The following XKR4 variants were observed in gnomAD, a reference collection of about 807,000 sequenced individuals.
XKR4 encodes XK-related protein 4.
A neutral mutation model predicts 53.9 loss-of-function variants in XKR4; 12 were observed. The observed-to-expected ratio is 0.22, with a 90% confidence interval of 0.14 to 0.36. The LOEUF is 0.36. XKR4 is among the 10% of genes least tolerant of loss of function. The probability of loss-of-function intolerance (pLI) is 1.00; values close to 1 mark genes in which losing one functional copy is unlikely to be tolerated. For synonymous variants in XKR4, 354 were observed against 362.4 expected, an observed-to-expected ratio of 0.98 and a Z score of 0.26; for missense variants, 799 against 859.5, an observed-to-expected ratio of 0.93 and a Z score of 0.88.
At chr8:55,321,426 T>C (rs1803210330) in intron 1 of XKR4, among the ~76,000 whole-genome samples, 1 of 152,150 alleles carries the variant, frequency 6.6e-6, no homozygotes, top group Non-Finnish European at 1.5e-5. Context: ...ACCCCTCCCA[T>C]GAACTACTTC....
intron 1 of XKR4, among the ~76,000 whole-genome samples, chr8:55,328,032 C>A (rs1447184206): frequency 2.0e-5 from 3 of 151,946 alleles, no homozygotes; most frequent in Non-Finnish European, 4.4e-5. Context: ...GAAAAAATAC[C>A]CGAGACTGCA....
intron 2 of XKR4, among the ~76,000 whole-genome samples, chr8:55,504,895 G>T (rs143540675): frequency 3.0e-4 from 45 of 151,950 alleles, no homozygotes; most frequent in Non-Finnish European, 6.3e-4. Context: ...TGTAAAATTC[G>T]TAGTGATGTC....
chr8:55,220,105 A>T (rs1372624009), intron 1 of XKR4, among the ~76,000 whole-genome samples: 1 of 152,216 alleles, frequency 6.6e-6, no homozygotes, highest in African/African-American at 2.4e-5. Flanking sequence ...GTGAGGTGAT[A>T]GATATGTCAA....
At chr8:55,393,003 AT>A (rs930740095) in intron 2 of XKR4, among the ~76,000 whole-genome samples, 1 of 152,148 alleles carries the variant, frequency 6.6e-6, no homozygotes, top group African/African-American at 2.4e-5. Flanking sequence ...GGAAGTTCTT[AT>A]TAAAAAAAAA....
At chr8:55,449,949 G>A in intron 2 of XKR4, 1 of 870,048 alleles carries the variant, frequency 1.1e-6, no homozygotes. Flanking sequence ...CCAGGCTGAG[G>A]CTCAAGGTGG....
chr8:55,498,132 G>T (rs187739390), intron 2 of XKR4, among the ~76,000 whole-genome samples: 105 of 152,318 alleles, frequency 6.9e-4, no homozygotes, highest in Admixed American at 1.8e-3. Context: ...ATGTGTGTTT[G>T]CTAAGAAAAG....
At chr8:55,125,680 C>T (rs981508135) in intron 1 of XKR4, among the ~76,000 whole-genome samples, 8 of 152,100 alleles carry the variant, frequency 5.3e-5, no homozygotes, top group Non-Finnish European at 1.2e-4. Context: ...AGCCTATTTT[C>T]CCTAGCATCA....
At chr8:55,294,481 C>T (rs1238056146) in intron 1 of XKR4, among the ~76,000 whole-genome samples, 5 of 152,084 alleles carry the variant, frequency 3.3e-5, no homozygotes, top group Admixed American at 3.3e-4. Flanking sequence ...GGGATGTAGT[C>T]GAGGTGGGAG....
At chr8:55,370,771 G>A (rs901024986) in intron 2 of XKR4, among the ~76,000 whole-genome samples, 2 of 152,138 alleles carry the variant, frequency 1.3e-5, no homozygotes, top group African/African-American at 4.8e-5. Flanking sequence ...CCGTCGAGAT[G>A]CAAAAACAAG....
intron 2 of XKR4, among the ~76,000 whole-genome samples, chr8:55,440,368 A>T (rs79819695): frequency 2.0e-5 from 3 of 152,206 alleles, no homozygotes; most frequent in East Asian, 1.9e-4. Context: ...AAACAATTTT[A>T]AAAAGTCTAA....
intron 1 of XKR4, among the ~76,000 whole-genome samples, chr8:55,285,439 G>A (rs1160470979): frequency 6.6e-6 from 1 of 152,084 alleles, no homozygotes; most frequent in African/African-American, 2.4e-5. Context: ...AGACAGTATA[G>A]AGTGAATGAA....
At chr8:55,453,737 G>T in intron 2 of XKR4, 1 of 388,532 alleles carries the variant, frequency 2.6e-6, no homozygotes, top group South Asian at 2.1e-5. Flanking sequence ...CGCCAAGTCT[G>T]GGTACAGGTT....
At chr8:55,375,894 A>T (rs1804144780) in intron 2 of XKR4, among the ~76,000 whole-genome samples, 1 of 151,850 alleles carries the variant, frequency 6.6e-6, no homozygotes, top group African/African-American at 2.4e-5. Context: ...ACCCTCCCCT[A>T]ACAGGCCCCA....
intron 2 of XKR4, among the ~76,000 whole-genome samples, chr8:55,375,330 A>G (rs749131073): frequency 3.3e-5 from 5 of 152,268 alleles, no homozygotes; most frequent in East Asian, 1.9e-4. Context: ...CCTGCCTCCA[A>G]TGGATAAGGG....
At chr8:55,133,782 G>T (rs1585896013) in intron 1 of XKR4, among the ~76,000 whole-genome samples, 2 of 152,190 alleles carry the variant, frequency 1.3e-5, no homozygotes, top group East Asian at 3.8e-4. Flanking sequence ...TCAATTAAAA[G>T]AGATGGACAG....
intron 1 of XKR4, among the ~76,000 whole-genome samples, chr8:55,342,791 C>T (rs1485016498): frequency 6.6e-6 from 1 of 152,198 alleles, no homozygotes; most frequent in Non-Finnish European, 1.5e-5. Context: ...TCCTTACTTT[C>T]CTTCCTGTCT....
chr8:55,454,532 C>A, intron 2 of XKR4: 1 of 1,385,030 alleles, frequency 7.2e-7, no homozygotes, highest in Non-Finnish European at 1.0e-6. Flanking sequence ...GAAGAGCAGG[C>A]CACGCTGCAG....
intron 1 of XKR4, among the ~76,000 whole-genome samples, chr8:55,262,627 C>T (rs1458040028): frequency 1.3e-5 from 2 of 152,198 alleles, no homozygotes; most frequent in Non-Finnish European, 2.9e-5. Context: ...CAAGAGAGGC[C>T]TCTCCAGGAA....
chr8:55,516,176 G>A (rs1806710696), intron 2 of XKR4, among the ~76,000 whole-genome samples: 1 of 152,130 alleles, frequency 6.6e-6, no homozygotes, highest in Admixed American at 6.5e-5. Context: ...ACAAATGCTT[G>A]TTCCTTCTTA....
Sources: gnomAD v4.1 joint callset for allele counts (sites outside exome capture counted in the v4.1 genomes callset) on GRCh38, gnomAD v4.1.1 for gene constraint, MANE v1.5 for transcripts, NCBI Gene and HGNC (gene_info 2026-07-23, HGNC 2026-07-21) for gene names.